Variants in IL1RAPL1 observed in about 807,000 individuals in gnomAD.
The protein encoded by IL1RAPL1 is interleukin-1 receptor accessory protein-like 1.
In IL1RAPL1, 3 loss-of-function variants were observed where a neutral mutation model predicts 48.4. The ratio of observed to expected loss-of-function variants is 0.06; its 90% CI spans 0.03 to 0.16. The LOEUF (loss-of-function observed/expected upper bound fraction) is 0.16. Among genes scored for constraint, IL1RAPL1 ranks in the 10% least tolerant of loss-of-function variants. The probability of loss-of-function intolerance (pLI) is 1.00; values close to 1 mark genes in which losing one functional copy is unlikely to be tolerated. For synonymous variants in IL1RAPL1, 185 were observed against 187.7 expected (o/e 0.99, Z 0.12); for missense variants, 349 against 530.6 (o/e 0.66, Z 3.36).
Position 29,476,983 on chromosome X carries a change from C to T in IL1RAPL1, c.703+77675C>T, listed in dbSNP as rs73448592. 9.6e-4 allele frequency among the ~76,000 whole-genome samples: 96 copies of T among 99,773 alleles called. 2 individuals carry two copies. Among genetic ancestry groups the T allele is most frequent in the African/African-American group, 3.6e-3 (95 of 26,038 alleles). 86.6% of individuals were successfully genotyped at this position (99,773 alleles called of 115,157 possible). On this transcript the variant is annotated intron_variant, in intron 5 of 10. Coordinates refer to ENST00000378993, the MANE Select transcript of IL1RAPL1 (RefSeq NM_014271.4). ...GCAAGCTCCGCTTCCCGGGTTCACG[C>T]CATTCTCCTGCCTCAGCCTCCCGAG... is the stretch of plus-strand genomic sequence containing the variant.
chrX:28,841,923 A>G (rs940310206), intron 2 of IL1RAPL1, among the ~76,000 whole-genome samples: 4 of 110,951 alleles, frequency 3.6e-5, no homozygotes, highest in Non-Finnish European at 5.7e-5. Context: ...ATAATGTACA[A>G]TGGTATGATA....
At chrX:28,840,922 T>C (rs1306443249) in intron 2 of IL1RAPL1, among the ~76,000 whole-genome samples, 2 of 111,198 alleles carry the variant, frequency 1.8e-5, no homozygotes, top group African/African-American at 6.5e-5. Flanking sequence ...AAATATGTTT[T>C]ATATGTGGTC....
intron 6 of IL1RAPL1, among the ~76,000 whole-genome samples, chrX:29,678,798 C>T (rs1170583390): frequency 9.0e-6 from 1 of 110,572 alleles, no homozygotes; most frequent in African/African-American, 3.3e-5. Flanking sequence ...TTTTGTTTTC[C>T]AAAATTAATC....
At chrX:29,745,486 G>T (rs1267254104) in intron 6 of IL1RAPL1, among the ~76,000 whole-genome samples, 2 of 61,230 alleles carry the variant, frequency 3.3e-5, no homozygotes, top group Non-Finnish European at 5.5e-5. Flanking sequence ...AGCTCTTCTT[G>T]CCCAGGCTGG....
chrX:28,866,603 C>T (rs1325597557), intron 2 of IL1RAPL1, among the ~76,000 whole-genome samples: 1 of 111,853 alleles, frequency 8.9e-6, no homozygotes, highest in Non-Finnish European at 1.9e-5. Context: ...TAGTGGAGGG[C>T]TTGGACTCAG....
At chrX:29,057,194 T>C (rs1464019467) in intron 2 of IL1RAPL1, among the ~76,000 whole-genome samples, 1 of 111,785 alleles carries the variant, frequency 8.9e-6, no homozygotes, top group African/African-American at 3.2e-5. Flanking sequence ...GATGACCTCA[T>C]CATGATATTC....
chrX:28,601,366 A>G (rs778901981), intron 1 of IL1RAPL1, among the ~76,000 whole-genome samples: 1 of 111,844 alleles, frequency 8.9e-6, no homozygotes, highest in Admixed American at 9.5e-5. Context: ...CAGAGGTTGC[A>G]GTGAGCTGAG....
chrX:29,743,222 A>C (rs1050900260), intron 6 of IL1RAPL1, among the ~76,000 whole-genome samples: 10 of 107,710 alleles, frequency 9.3e-5, no homozygotes, highest in Non-Finnish European at 1.5e-4. Flanking sequence ...AAATCTTATA[A>C]TTAAAATTTT....
chrX:29,046,411 G>C (rs773230356), intron 2 of IL1RAPL1, among the ~76,000 whole-genome samples: 5 of 111,045 alleles, frequency 4.5e-5, no homozygotes, highest in Non-Finnish European at 7.5e-5. Context: ...AACAGGGATA[G>C]AGGGCAATAG....
intron 2 of IL1RAPL1, among the ~76,000 whole-genome samples, chrX:28,974,013 A>T (rs1925146677): frequency 8.9e-6 from 1 of 112,083 alleles, no homozygotes; most frequent in Non-Finnish European, 1.9e-5. Flanking sequence ...CGTTTGTTTT[A>T]GTTGTGCTAT....
intron 6 of IL1RAPL1, among the ~76,000 whole-genome samples, chrX:29,784,922 G>T (rs1353277981): frequency 8.9e-6 from 1 of 111,948 alleles, no homozygotes; most frequent in Admixed American, 9.5e-5. Context: ...TAAGTTAAAA[G>T]AATAAAATTA....
intron 2 of IL1RAPL1, among the ~76,000 whole-genome samples, chrX:28,997,218 C>T (rs1602002429): frequency 9.0e-6 from 1 of 111,538 alleles, no homozygotes; most frequent in Middle Eastern, 4.6e-3. Flanking sequence ...AAACCTGATG[C>T]ATTTGTGGTG....
chrX:29,284,234 C>T (rs145591448), intron 3 of IL1RAPL1, among the ~76,000 whole-genome samples: 1 of 111,962 alleles, frequency 8.9e-6, no homozygotes, highest in Non-Finnish European at 1.9e-5. Context: ...TATCATGCCT[C>T]CCTCTCACCG....
At chrX:29,466,903 G>A (rs1014721) in intron 5 of IL1RAPL1, among the ~76,000 whole-genome samples, 1 of 109,863 alleles carries the variant, frequency 9.1e-6, no homozygotes, top group Non-Finnish European at 1.9e-5. Context: ...ATTTCTTAAC[G>A]TGTGGTCCTG....
At chrX:29,189,869 A>T (rs1250403900) in intron 2 of IL1RAPL1, among the ~76,000 whole-genome samples, 2 of 111,876 alleles carry the variant, frequency 1.8e-5, no homozygotes, top group African/African-American at 6.5e-5. Context: ...TACTATTGAT[A>T]ATAATATAAT....
intron 2 of IL1RAPL1, among the ~76,000 whole-genome samples, chrX:29,071,837 T>G (rs748506796): frequency 8.9e-6 from 1 of 112,259 alleles, no homozygotes; most frequent in Non-Finnish European, 1.9e-5. Context: ...CTGATAATAC[T>G]TAGTAGGCCT....
At chrX:28,904,785 G>C (rs994064870) in intron 2 of IL1RAPL1, among the ~76,000 whole-genome samples, 2 of 111,961 alleles carry the variant, frequency 1.8e-5, no homozygotes, top group Non-Finnish European at 3.8e-5. Flanking sequence ...AGATTCAGAA[G>C]ACCAATGGAG....
intron 1 of IL1RAPL1, among the ~76,000 whole-genome samples, chrX:28,591,163 A>G (rs1266917474): frequency 4.5e-5 from 5 of 111,960 alleles, no homozygotes; most frequent in Non-Finnish European, 9.4e-5. Context: ...AATATTTGGG[A>G]AAAAAAGAAA....
At chrX:29,734,180 A>C (rs1332141493) in intron 6 of IL1RAPL1, among the ~76,000 whole-genome samples, 1 of 112,961 alleles carries the variant, frequency 8.9e-6, no homozygotes, top group Admixed American at 9.4e-5. Context: ...AGTAATAGGC[A>C]CAGGAAAAAA....
Sources: gnomAD v4.1 joint callset for allele counts (sites outside exome capture counted in the v4.1 genomes callset) on GRCh38, gnomAD v4.1.1 for gene constraint, MANE v1.5 for transcripts, NCBI Gene and HGNC (gene_info 2026-07-23, HGNC 2026-07-21) for gene names.